POLRMT: variants seen among roughly 807,000 people sequenced by gnomAD.
POLRMT encodes RNA polymerase mitochondrial.
In POLRMT, 114 loss-of-function variants were observed where a neutral mutation model predicts 132.2. That is an observed-to-expected ratio of 0.86 (90% CI 0.74 to 1.01). POLRMT has a LOEUF of 1.01. Ranked by LOEUF, POLRMT falls within the 50% of genes least tolerant of loss-of-function variation. The pLI is 0.00. For synonymous variants in POLRMT, 1,020 were observed against 773.4 expected, an observed-to-expected ratio of 1.32 and a Z score of -5.29; for missense variants, 2,003 against 1,729.1, an observed-to-expected ratio of 1.16 and a Z score of -2.81.
intron 2 of POLRMT, among the ~76,000 whole-genome samples, chr19:632,375 C>T (rs1190662369): frequency 6.6e-6 from 1 of 152,196 alleles, no homozygotes; most frequent in Non-Finnish European, 1.5e-5. Context: ...CCAGCCAGGC[C>T]AGGACGAGGG....
chr19:630,192 C>T (rs1985314567), intron 2 of POLRMT, 24 bp from the exon 3 acceptor site: 2 of 1,552,826 alleles, frequency 1.3e-6, no homozygotes, highest in South Asian at 1.2e-5. Flanking sequence ...AAGGCGAGGA[C>T]ATGAGAGGGA....
chr19:618,433 G>C, intron 17 of POLRMT, 55 bp downstream of exon 17: 1 of 1,383,342 alleles, frequency 7.2e-7, no homozygotes, highest in South Asian at 1.3e-5. Context: ...TGCCCTGCTA[G>C]CCAGAAGACG....
At chr19:630,625 G>A (rs1985345025) in intron 2 of POLRMT, among the ~76,000 whole-genome samples, 1 of 151,996 alleles carries the variant, frequency 6.6e-6, no homozygotes, top group Non-Finnish European at 1.5e-5. Flanking sequence ...CCAGGACCCT[G>A]AACCGCCCAC....
At chr19:624,040 T>C (rs1448695886) in intron 5 of POLRMT, among the ~76,000 whole-genome samples, 1 of 152,218 alleles carries the variant, frequency 6.6e-6, no homozygotes. Context: ...ACACAAACGT[T>C]CACAGCTGCA....
rs1164831261 is a variant in POLRMT at position 629,780 on chromosome 19, C to T, written c.582G>A (p.Leu194=). The change falls in exon 3 of 21, where the codon CTG becomes CTA. Residue 194 remains leucine (L), a synonymous_variant. Coordinates refer to ENST00000588649, the MANE Select transcript of POLRMT (RefSeq NM_005035.4). ...TCAGCTTCCCAGGGGCCTCCTGCAG[C>T]AGCCGGGCCAGCTGCTCCTCCCAGG... is the stretch of plus-strand genomic sequence containing the variant. ...ESPWEEQLAR[L]LQEAPGKLSL... 4 of 1,566,906 alleles carry T rather than the reference C, an allele frequency of 2.6e-6. No individual in the cohort carries two copies. Among genetic ancestry groups the T allele is most frequent in the African/African-American group, 2.7e-5 (2 of 73,228 alleles).
intron 6 of POLRMT, 106 bp downstream of exon 6, chr19:623,348 G>C: frequency 6.6e-7 from 1 of 1,514,670 alleles, no homozygotes; most frequent in South Asian, 1.3e-5. Flanking sequence ...CGCGACCCCG[G>C]CTCAGCCCCT....
chr19:620,912 GGAA>G lies in POLRMT; in HGVS notation c.2640+143_2640+145del, dbSNP rs1984496352. The G allele has an allele frequency of 9.3e-3, 1,301 of 140,442 alleles. 275 individuals carry two copies. Among genetic ancestry groups the G allele is most frequent in the Middle Eastern group, 0.017 (7 of 416 alleles). 8.7% of individuals were successfully genotyped at this position (140,442 alleles called of 1,614,324 possible). A position where few individuals can be genotyped will look rare whatever the true frequency, so the allele number is the denominator to read the frequency against. On this transcript the variant is annotated intron_variant, in intron 10 of 20. Transcript: ENST00000588649. The stretch of plus-strand genomic sequence containing the variant: ...GCGCCAGGGGAGGGGGAGGGGAGGA[GGAA>G]GACGGGCAGGGGGCGCCAGGGGAGG...
Position 622,169 on chromosome 19 carries a change from A to T in POLRMT, c.1831T>A (p.Ser611Thr). The T allele has an allele frequency of 6.4e-7, 1 of 1,568,856 alleles. No individual in the cohort carries two copies. Among genetic ancestry groups the T allele is most frequent in the South Asian group, 1.2e-5 (1 of 86,544 alleles). ...GGCACCTGCTGGACGTTGCGGAAGG[A>T]ATACACGTGGTAGAGCACGGGGACA... ...RLVPVLYHVY[S>T]FRNVQQIGIL... is the part of the protein sequence containing the mutation. The change falls in exon 9 of 21, where the codon TCC becomes ACC. Residue 611 changes from serine (S) to threonine (T), a missense_variant. By Grantham distance (58) the Ser-to-Thr change is moderately conservative (BLOSUM62 1). Coordinates refer to ENST00000588649, the MANE Select transcript of POLRMT (RefSeq NM_005035.4).
At chr19:617,386 G>A (rs62132648) in intron 20 of POLRMT, 33 bp downstream of exon 20, 20 of 1,612,226 alleles carry the variant, frequency 1.2e-5, no homozygotes, top group Middle Eastern at 3.4e-4. Context: ...CCCGCAGTTC[G>A]AGCCACCCTT....
At chr19:619,493 G>C in intron 13 of POLRMT, 93 bp downstream of exon 13, 1 of 1,516,414 alleles carries the variant, frequency 6.6e-7, no homozygotes, top group Non-Finnish European at 9.0e-7. Flanking sequence ...AGCAGCCAGG[G>C]CTCCTGCTGG....
At chr19:627,569 C>T (rs1055756158) in intron 3 of POLRMT, among the ~76,000 whole-genome samples, 2 of 152,110 alleles carry the variant, frequency 1.3e-5, no homozygotes, top group Non-Finnish European at 2.9e-5. Flanking sequence ...CAGTAGCACA[C>T]ACAGCTGTTG....
intron 11 of POLRMT, 91 bp downstream of exon 11, chr19:620,274 C>G: frequency 1.4e-6 from 2 of 1,464,230 alleles, no homozygotes; most frequent in Non-Finnish European, 1.8e-6. Flanking sequence ...CAGAGAATAC[C>G]ACGAGCGAAG....
chr19:623,809 T>C (rs973802397), intron 5 of POLRMT, among the ~76,000 whole-genome samples: 1 of 152,180 alleles, frequency 6.6e-6, no homozygotes, highest in Non-Finnish European at 1.5e-5. Flanking sequence ...TCGACCCCTC[T>C]AGAAGGGACA....
At chr19:631,735 G>A (rs116014854) in intron 2 of POLRMT, among the ~76,000 whole-genome samples, 1 of 152,288 alleles carries the variant, frequency 6.6e-6, no homozygotes, top group African/African-American at 2.4e-5. Flanking sequence ...ACAGTTGAGA[G>A]CTTTGTTTTG....
chr19:621,059 G>A lies in POLRMT; in HGVS notation c.2639C>T (p.Thr880Met), dbSNP rs146894577. 2.6e-5 allele frequency: 41 copies of A among 1,602,556 alleles called. No homozygotes were observed. Among genetic ancestry groups the A allele is most frequent in the Non-Finnish European group, 3.2e-5 (38 of 1,175,964 alleles). ...GGAATGCGGGGGCCCCGCCCCTACCGTCAAGGGTTGGTCCGCGGAGTCCAG... is the reference window on the plus strand; with the variant it reads ...GGAATGCGGGGGCCCCGCCCCTACCATCAAGGGTTGGTCCGCGGAGTCCAG... ...DILDSADQPL[T>M]GRKWWMGAEE... is the part of the protein sequence containing the mutation. The change falls in exon 10 of 21, where the codon ACG becomes ATG. Residue 880 changes from threonine (T) to methionine (M), a missense_variant and splice_region_variant. Coordinates refer to ENST00000588649, the MANE Select transcript of POLRMT (RefSeq NM_005035.4).
At chr19:620,282 A>C (rs1440567276) in intron 11 of POLRMT, 83 bp downstream of exon 11, 1 of 1,467,616 alleles carries the variant, frequency 6.8e-7, no homozygotes, top group Non-Finnish European at 9.1e-7. Context: ...ACCACGAGCG[A>C]AGGTGAAATC....
chr19:620,921 GCAGGGGGCGCCAGGGGAGGGGGAGGGGA>G, intron 10 of POLRMT, 109 bp downstream of exon 10: 7 of 139,796 alleles, frequency 5.0e-5, no homozygotes, highest in South Asian at 2.0e-4. Flanking sequence ...AGGAAGACGG[GCAGGGGGCGCCAGGGGAGGGGGAGGGGA>G]GGAGGAAGAC....
Position 633,529 on chromosome 19 carries a change from G to GGCGCCACCGCCGCCGCCGCC in POLRMT, c.-18_-17insGGCGGCGGCGGCGGTGGCGC. 3 of 1,463,692 alleles carry GGCGCCACCGCCGCCGCCGCC rather than the reference G, an allele frequency of 2.0e-6. No individual in the cohort carries two copies. The highest frequency in any genetic ancestry group is 1.8e-6 in the Non-Finnish European group (2 of 1,109,956). The allele number at this position is 1,463,692 out of a possible 1,614,324, so 90.7% of individuals were successfully genotyped here. Reference sequence around the variant, plus strand: ...TGCCGACATTACGCACGCCGCTCCAGGCCACCCCACCGGCCCGCGCCTGCG... The same window carrying GGCGCCACCGCCGCCGCCGCC: ...TGCCGACATTACGCACGCCGCTCCAGGCGCCACCGCCGCCGCCGCCGCCACCCCACCGGCCCGCGCCTGCG... On this transcript the variant is annotated 5_prime_UTR_variant, in exon 1 of 21. Coordinates refer to ENST00000588649, the MANE Select transcript of POLRMT (RefSeq NM_005035.4).
chr19:629,595 C>T lies in POLRMT; in HGVS notation c.767G>A (p.Arg256Gln), dbSNP rs140683573. The T allele has an allele frequency of 7.5e-4, 1,200 of 1,599,038 alleles. 1 individual carries two copies. The highest frequency in any genetic ancestry group is 9.5e-4 in the Non-Finnish European group (1,118 of 1,174,142). ...GTACATGTCCAGCGTGAGCAGCTTC[C>T]GCTTCTGCCGCTGGCCGTGGTGGAC... is the stretch of plus-strand genomic sequence containing the variant. ...LVVHHGQRQK[R>Q]KLLTLDMYNA... Residue 256 changes from arginine to glutamine, a missense_variant, in exon 3 of 21, where the codon CGG becomes CAG. Coordinates refer to ENST00000588649, the MANE Select transcript of POLRMT (RefSeq NM_005035.4).
Sources: allele counts gnomAD v4.1 joint callset (sites outside exome capture counted in the v4.1 genomes callset), GRCh38; gene constraint gnomAD v4.1.1; transcripts MANE v1.5; gene names NCBI Gene and HGNC (gene_info 2026-07-23, HGNC 2026-07-21).